MAMDC2: variants seen among roughly 807,000 people sequenced by gnomAD.
MAMDC2 encodes the protein MAM domain-containing protein 2.
In MAMDC2, 57 loss-of-function variants were observed where a neutral mutation model predicts 89.8. The observed-to-expected ratio is 0.63, with a 90% CI of 0.51 to 0.79. The LOEUF (loss-of-function observed/expected upper bound fraction) is 0.79. Among genes scored for constraint, MAMDC2 ranks in the 30% least tolerant of loss-of-function variants. The pLI, the probability that MAMDC2 is intolerant of heterozygous loss-of-function variation, is 0.00. For missense variants in MAMDC2, 800 were observed against 820.6 expected (o/e 0.97, Z 0.31); for synonymous variants, 313 against 293.4 (o/e 1.07, Z -0.68).
intron 9 of MAMDC2, among the ~76,000 whole-genome samples, chr9:70,152,937 GA>G (rs1171144257): frequency 6.6e-6 from 1 of 152,132 alleles, no homozygotes; most frequent in Non-Finnish European, 1.5e-5. Context: ...TGAGCAGAGA[GA>G]AAAAGACTAA....
intron 2 of MAMDC2, among the ~76,000 whole-genome samples, chr9:70,054,786 C>T (rs1826991269): frequency 6.6e-6 from 1 of 152,126 alleles, no homozygotes; most frequent in South Asian, 2.1e-4. Flanking sequence ...GTACCCTCCA[C>T]TGAGTGGCTT....
rs546232004 is a variant in MAMDC2 at position 70,137,397 on chromosome 9, G to A, written c.995-2748G>A. 5.9e-5 allele frequency among the ~76,000 whole-genome samples: 9 copies of A among 152,174 alleles called. No individual in the cohort carries two copies. In the South Asian group the frequency reaches 1.2e-3, roughly 21 times the overall value. On this transcript the variant is annotated intron_variant, in intron 7 of 13. Transcript: ENST00000377182. ...TTCAGCATAACTATAGGATAATTAC[G>A]GAGTTCAGGAAATTTAATACTGATA...
At chr9:70,183,683 T>C (rs1353220995) in intron 11 of MAMDC2, among the ~76,000 whole-genome samples, 4 of 152,134 alleles carry the variant, frequency 2.6e-5, no homozygotes, top group Admixed American at 2.0e-4. Context: ...TTTTTTTTTC[T>C]CTTTGCATTT....
intron 6 of MAMDC2, among the ~76,000 whole-genome samples, chr9:70,129,606 C>G: frequency 6.6e-6 from 1 of 152,138 alleles, no homozygotes; most frequent in East Asian, 1.9e-4. Context: ...AAATCTAGTC[C>G]ACAGTGGTGA....
chr9:70,124,804 C>G (rs927778573), intron 5 of MAMDC2, among the ~76,000 whole-genome samples: 21 of 152,136 alleles, frequency 1.4e-4, no homozygotes, highest in African/African-American at 4.1e-4. Context: ...CTCATAGGCT[C>G]AAGTGATTCT....
chr9:70,077,511 T>C (rs1052094493), intron 2 of MAMDC2, among the ~76,000 whole-genome samples: 5 of 152,248 alleles, frequency 3.3e-5, no homozygotes, highest in African/African-American at 1.2e-4. Flanking sequence ...TGTTTAATTT[T>C]ATTTCCTTTC....
chr9:70,105,781 G>A (rs1828324809), intron 2 of MAMDC2: 1 of 152,134 alleles, frequency 6.6e-6, no homozygotes, highest in African/African-American at 2.4e-5. Flanking sequence ...TCAGGTGAGA[G>A]AGAATGTCAA....
At chr9:70,047,603 T>A (rs1826785145) in intron 2 of MAMDC2, among the ~76,000 whole-genome samples, 1 of 152,234 alleles carries the variant, frequency 6.6e-6, no homozygotes, top group Non-Finnish European at 1.5e-5. Context: ...AGTCTATCAC[T>A]GATGGGCATT....
intron 11 of MAMDC2, among the ~76,000 whole-genome samples, chr9:70,183,770 A>G (rs1587551408): frequency 6.6e-6 from 1 of 152,150 alleles, no homozygotes; most frequent in Non-Finnish European, 1.5e-5. Flanking sequence ...TCCTGAATAC[A>G]GCACACTGAT....
chr9:70,068,097 A>T (rs1448927426), intron 2 of MAMDC2, among the ~76,000 whole-genome samples: 4 of 152,232 alleles, frequency 2.6e-5, no homozygotes, highest in Non-Finnish European at 5.9e-5. Flanking sequence ...GTGAGCTGGT[A>T]TAGGACTTAT....
chr9:70,064,428 C>T (rs897669236), intron 2 of MAMDC2, among the ~76,000 whole-genome samples: 5 of 152,188 alleles, frequency 3.3e-5, no homozygotes, highest in African/African-American at 9.7e-5. Flanking sequence ...TCCATTCTTT[C>T]ACCGGATATA....
At chr9:70,097,219 C>T (rs930023501) in intron 2 of MAMDC2, among the ~76,000 whole-genome samples, 2 of 152,166 alleles carry the variant, frequency 1.3e-5, no homozygotes, top group African/African-American at 4.8e-5. Flanking sequence ...TCCAGCTTCA[C>T]CCTATTAAGG....
chr9:70,128,454 T>A (rs2030661243), intron 6 of MAMDC2, among the ~76,000 whole-genome samples: 1 of 152,190 alleles, frequency 6.6e-6, no homozygotes, highest in Admixed American at 6.5e-5. Flanking sequence ...CCCCGTGGAT[T>A]TTGGAGAGTT....
At chr9:70,096,826 A>G (rs1310895871) in intron 2 of MAMDC2, among the ~76,000 whole-genome samples, 1 of 152,108 alleles carries the variant, frequency 6.6e-6, no homozygotes, top group African/African-American at 2.4e-5. Flanking sequence ...GGGCAAAACT[A>G]TTAAAGGGGG....
At chr9:70,125,623 A>G (rs558467547) in intron 5 of MAMDC2, among the ~76,000 whole-genome samples, 83 of 152,324 alleles carry the variant, frequency 5.4e-4, no homozygotes, top group African/African-American at 1.9e-3. Context: ...AAATTGCCAT[A>G]TAGTTGGAAT....
intron 2 of MAMDC2, among the ~76,000 whole-genome samples, chr9:70,056,004 T>C (rs951938213): frequency 3.9e-5 from 6 of 152,246 alleles, no homozygotes; most frequent in African/African-American, 1.2e-4. Context: ...TCCTGTGATA[T>C]ATAACTTTGC....
At chr9:70,217,204 G>C (rs1361055715) in intron 11 of MAMDC2, 2 of 764,240 alleles carry the variant, frequency 2.6e-6, no homozygotes, top group African/African-American at 1.7e-5. Context: ...CACGAAGGTC[G>C]AGCTGTGCAG....
chr9:70,140,997 T>C (rs2031196451), intron 8 of MAMDC2, among the ~76,000 whole-genome samples: 1 of 152,160 alleles, frequency 6.6e-6, no homozygotes, highest in South Asian at 2.1e-4. Context: ...GTGAAGAGCT[T>C]GATCTCTAGG....
At chr9:70,130,743 T>C (rs1405480554) in intron 6 of MAMDC2, among the ~76,000 whole-genome samples, 3 of 151,874 alleles carry the variant, frequency 2.0e-5, no homozygotes, top group Admixed American at 2.0e-4. Context: ...ACTTAGAGGG[T>C]GTTTGCTCCT....
Sources: gnomAD v4.1 joint callset for allele counts (sites outside exome capture counted in the v4.1 genomes callset) on GRCh38, gnomAD v4.1.1 for gene constraint, MANE v1.5 for transcripts, NCBI Gene and HGNC (gene_info 2026-07-23, HGNC 2026-07-21) for gene names.